The following GTF2IRD2 variants were observed in gnomAD, a reference collection of about 807,000 sequenced individuals.
GTF2IRD2 encodes the protein GTF2I repeat domain containing 2.
Under a neutral mutation model 49.2 loss-of-function variants are expected in GTF2IRD2, and 8 were observed. The observed-to-expected ratio is 0.16, with a 90% CI of 0.10 to 0.29. The LOEUF is 0.29. GTF2IRD2 is among the 10% of genes least tolerant of loss of function. The pLI is 1.00. For missense variants in GTF2IRD2, 130 were observed against 725.7 expected (o/e 0.18, Z 9.43); for synonymous variants, 47 against 289.7 (o/e 0.16, Z 8.51).
intron 3 of GTF2IRD2, among the ~76,000 whole-genome samples, chr7:74,830,144 A>T: frequency 7.3e-6 from 1 of 136,336 alleles, no homozygotes; most frequent in Non-Finnish European, 1.6e-5. Context: ...AGACAGGAGG[A>T]TCACTTGAGC....
intron 9 of GTF2IRD2, among the ~76,000 whole-genome samples, chr7:74,811,855 A>ATT (rs587727899): frequency 2.9e-5 from 1 of 34,536 alleles, no homozygotes; most frequent in African/African-American, 1.0e-4. Flanking sequence ...GCCAGGTTTG[A>ATT]TTTTTTTTTT....
intron 5 of GTF2IRD2, 51 bp from the exon 6 acceptor site, chr7:74,822,506 G>A (rs1799000315): frequency 1.5e-5 from 10 of 685,382 alleles, no homozygotes; most frequent in Non-Finnish European, 2.3e-5. Context: ...AAAAAAGCAT[G>A]ACACATCTGA....
chr7:74,807,397 C>A (rs1797863220), intron 11 of GTF2IRD2, among the ~76,000 whole-genome samples: 1 of 72,826 alleles, frequency 1.4e-5, no homozygotes, highest in Non-Finnish European at 2.9e-5. Flanking sequence ...CGTGCCTCAG[C>A]CTCCTGAGTA....
At chr7:74,817,021 T>C (rs1798569500) in intron 8 of GTF2IRD2, among the ~76,000 whole-genome samples, 1 of 39,940 alleles carries the variant, frequency 2.5e-5, no homozygotes, top group Non-Finnish European at 4.1e-5. Context: ...TTACTCATGC[T>C]AAAGGCTCTA....
At chr7:74,833,275 G>A (rs1473932638) in intron 2 of GTF2IRD2, among the ~76,000 whole-genome samples, 5 of 119,318 alleles carry the variant, frequency 4.2e-5, no homozygotes, top group Non-Finnish European at 8.8e-5. Context: ...TAGAGACGGG[G>A]TTTCACCGTG....
intron 3 of GTF2IRD2, among the ~76,000 whole-genome samples, chr7:74,829,887 C>CAAAAAAAAAAAAAAA (rs1554420189): frequency 3.3e-5 from 2 of 59,862 alleles, no homozygotes; most frequent in African/African-American, 1.2e-4. Flanking sequence ...GATTCTGTCT[C>CAAAAAAAAAAAAAAA]AAAAAAAAAA....
chr7:74,829,664 G>A (rs587634840), intron 3 of GTF2IRD2, among the ~76,000 whole-genome samples: 1,678 of 147,206 alleles, frequency 0.011, 36 homozygotes, highest in African/African-American at 0.04. Context: ...GGTGGATCAC[G>A]AGGTCAGGAA....
chr7:74,834,708 T>A lies in GTF2IRD2; in HGVS notation c.99+1572A>T, dbSNP rs587717593. ...CTTCTAAAATTAATTCCAACTTATT[T>A]TTTTTTTTTTTTAAGAGTCAGGGTC... On this transcript the variant is annotated intron_variant, in intron 2 of 15. Coordinates refer to ENST00000451013, the MANE Select transcript of GTF2IRD2 (RefSeq NM_173537.5). Among the ~76,000 whole-genome samples, 42 of 124,164 alleles carry A rather than the reference T, an allele frequency of 3.4e-4. 4 individuals carry two copies. Among genetic ancestry groups the A allele is most frequent in the East Asian group, 4.1e-4 (2 of 4,904 alleles). The allele number at this position is 124,164 out of a possible 152,430, so 81.5% of individuals were successfully genotyped here. A position where few individuals can be genotyped will look rare whatever the true frequency, so the allele number is the denominator to read the frequency against.
intron 3 of GTF2IRD2, among the ~76,000 whole-genome samples, chr7:74,831,856 A>AT (rs1433371140): frequency 2.4e-3 from 44 of 18,678 alleles, no homozygotes; most frequent in East Asian, 4.6e-3. Flanking sequence ...TTTTTTTTGT[A>AT]TTTTTTAGTA....
At chr7:74,840,065 G>GT in intron 1 of GTF2IRD2, among the ~76,000 whole-genome samples, 1 of 91,208 alleles carries the variant, frequency 1.1e-5, no homozygotes, top group Admixed American at 1.4e-4. Context: ...AAGGTCCTAT[G>GT]TCTTTTTTTT....
intron 8 of GTF2IRD2, among the ~76,000 whole-genome samples, chr7:74,815,802 GAAA>G (rs1798466524): frequency 6.8e-3 from 65 of 9,596 alleles, no homozygotes; most frequent in Non-Finnish European, 9.8e-3. Context: ...AAGAAGGAAA[GAAA>G]GAAAGAAAGA....
At position 74,825,862 on chromosome 7, in the gene GTF2IRD2, A is replaced by G. The variant is rs587668520; in HGVS notation, c.239-810T>C. ...GTCACCCAGGCTGGAGTGCAGTGGC[A>G]TGTTCTCCACTCACTGCAAGTTCTG... On this transcript the variant is annotated intron_variant, in intron 3 of 15. Transcript: ENST00000451013. Among the ~76,000 whole-genome samples the G allele has an allele frequency of 7.7e-5, 11 of 142,534 alleles. No homozygotes were observed. The East Asian group carries it at 2.4e-3, about 31-fold the overall frequency. The allele number at this position is 142,534 out of a possible 152,430, so 93.5% of individuals were successfully genotyped here. A position where few individuals can be genotyped will look rare whatever the true frequency, so the allele number is the denominator to read the frequency against.
In GTF2IRD2 at chr7:74,798,000, C is replaced by T. The variant is rs1797138988; in HGVS notation, c.1512G>A (p.Glu504=). 9.7e-6 allele frequency: 8 copies of T among 826,544 alleles called. 3 individuals carry two copies. The allele number at this position is 826,544 out of a possible 1,614,324, so 51.2% of individuals were successfully genotyped here. Residue 504 remains glutamate (E), a synonymous_variant, in exon 16 of 16, where the codon GAG becomes GAA. Coordinates refer to ENST00000451013, the MANE Select transcript of GTF2IRD2 (RefSeq NM_173537.5). ...RKYLLGSSDT[E]CPEQKQVFAN... ...CAAACACTTGTTTTTGCTCGGGACA[C>T]TCGGTGTCTGATGAGCCTAAGAGAT...
At position 74,829,786 on chromosome 7, in the gene GTF2IRD2, G is replaced by A. The variant is rs1400164163; in HGVS notation, c.238+3019C>T. 2.5e-4 allele frequency among the ~76,000 whole-genome samples: 37 copies of A among 150,732 alleles called. No homozygotes were observed. The East Asian group carries it at 5.9e-3, about 24-fold the overall frequency. On this transcript the variant is annotated intron_variant, in intron 3 of 15. Coordinates refer to ENST00000451013, the MANE Select transcript of GTF2IRD2 (RefSeq NM_173537.5). ...GCCTGTAATCCCAGCTACTTGGGAT[G>A]CTGAGGCAGGAGAATGGCTTGAACC...
rs1554421783 is a variant in GTF2IRD2 at position 74,841,131 on chromosome 7, G to A, written c.-5-4748C>T. On this transcript the variant is annotated intron_variant, in intron 1 of 15. Coordinates refer to ENST00000451013, the MANE Select transcript of GTF2IRD2 (RefSeq NM_173537.5). ...CCCAGAGTGCTGGGTCTACAGGCGT[G>A]AGCCACCATGCCCAGCCTTATTTTA... Among the ~76,000 whole-genome samples the A allele has an allele frequency of 1.4e-5, 2 of 141,570 alleles. 1 individual carries two copies. The highest frequency in any genetic ancestry group is 5.6e-5 in the African/African-American group (2 of 35,560). The allele number at this position is 141,570 out of a possible 152,430, so 92.9% of individuals were successfully genotyped here.
chr7:74,796,690 C>T lies in GTF2IRD2; in HGVS notation c.2822G>A (p.Trp941Ter), dbSNP rs2131616292. 1 of 698,562 alleles carries T rather than the reference C, an allele frequency of 1.4e-6. No homozygotes were observed. Among genetic ancestry groups the T allele is most frequent in the Non-Finnish European group, 2.6e-6 (1 of 387,180 alleles). The allele number at this position is 698,562 out of a possible 1,614,324, so 43.3% of individuals were successfully genotyped here. ...CGTTGCGATGTGGAGTACAGAATCCCACTGGGAATCCTTTAACTGGGAGCA... is the reference window on the plus strand; with the variant it reads ...CGTTGCGATGTGGAGTACAGAATCCTACTGGGAATCCTTTAACTGGGAGCA... ...KYCSQLKDSQWDSVLHIAT is the reference protein window; with the variant it reads ...KYCSQLKDSQ The change falls in exon 16 of 16, where the codon TGG (tryptophan) becomes TAG (stop). Residue 941 changes from tryptophan to a stop codon, truncating the protein, a stop_gained. Transcript: ENST00000451013. LOFTEE classifies it high-confidence loss of function.
chr7:74,838,467 A>G (rs1554421237), intron 1 of GTF2IRD2, among the ~76,000 whole-genome samples: 1 of 90,804 alleles, frequency 1.1e-5, no homozygotes, highest in Non-Finnish European at 1.9e-5. Context: ...CAGTGGCACA[A>G]TCATGGCTCA....
chr7:74,831,543 A>ACACACACACACACC (rs1204677476), intron 3 of GTF2IRD2, among the ~76,000 whole-genome samples: 14 of 140,902 alleles, frequency 9.9e-5, no homozygotes, highest in African/African-American at 3.6e-4. Context: ...ACACACACAC[A>ACACACACACACACC]CCCTTATACC....
rs1351291827 is a variant in GTF2IRD2, at chr7:74,836,057, C to G, written c.99+223G>C. ...ATCCCAGCTACCCAGGAGGCTGAGG[C>G]AGGAGAATTGCTTGAACGCAGGAGA... On this transcript the variant is annotated intron_variant, in intron 2 of 15. Transcript: ENST00000451013. Among the ~76,000 whole-genome samples the G allele has an allele frequency of 1.6e-4, 21 of 132,368 alleles. 3 individuals carry two copies. Among genetic ancestry groups the G allele is most frequent in the African/African-American group, 8.3e-4 (21 of 25,370 alleles). The allele number at this position is 132,368 out of a possible 152,430, so 86.8% of individuals were successfully genotyped here.
Sources: gnomAD v4.1 joint callset for allele counts (sites outside exome capture counted in the v4.1 genomes callset) on GRCh38, gnomAD v4.1.1 for gene constraint, MANE v1.5 for transcripts, NCBI Gene and HGNC (gene_info 2026-07-23, HGNC 2026-07-21) for gene names.